RFC3: variants seen among roughly 807,000 people sequenced by gnomAD.
RFC3 encodes A1 38 kDa subunit.
In RFC3, 41 loss-of-function variants were observed where a neutral mutation model predicts 45.1. The ratio of observed to expected loss-of-function variants is 0.91; its 90% CI spans 0.71 to 1.18. RFC3 has a LOEUF of 1.18. RFC3 is among the 50% of genes most tolerant of loss of function. RFC3 has a pLI of 0.00. For missense variants in RFC3, 423 were observed against 428.1 expected (o/e 0.99, Z 0.10); for synonymous variants, 149 against 144.0 (o/e 1.03, Z -0.25).
intron 8 of RFC3, among the ~76,000 whole-genome samples, chr13:33,932,863 G>T (rs528863495): frequency 6.6e-6 from 1 of 152,122 alleles, no homozygotes; most frequent in Non-Finnish European, 1.5e-5. Context: ...TGACAACAAC[G>T]ACTGGCTTTT....
chr13:33,863,685 C>T (rs958610334), intron 8 of RFC3, among the ~76,000 whole-genome samples: 3 of 152,312 alleles, frequency 2.0e-5, no homozygotes, highest in Admixed American at 6.5e-5. Flanking sequence ...CTTGATACTG[C>T]GTGGATACAC....
chr13:33,941,235 T>C (rs1418157051), intron 8 of RFC3, among the ~76,000 whole-genome samples: 1 of 144,686 alleles, frequency 6.9e-6, no homozygotes, highest in Admixed American at 7.0e-5. Flanking sequence ...TCCTGAGAGA[T>C]TTTTTTTTTT....
At chr13:33,859,394 GACATA>G (rs2082326661) in intron 8 of RFC3, among the ~76,000 whole-genome samples, 1 of 151,510 alleles carries the variant, frequency 6.6e-6, no homozygotes, top group African/African-American at 2.4e-5. Flanking sequence ...ATGAAAACTA[GACATA>G]ACATTATGAT....
At chr13:33,898,830 C>T (rs916176226) in intron 8 of RFC3, among the ~76,000 whole-genome samples, 1 of 151,662 alleles carries the variant, frequency 6.6e-6, no homozygotes, top group Non-Finnish European at 1.5e-5. Context: ...ACTGAGACCT[C>T]AGAAATACAC....
chr13:33,938,645 G>A (rs4638440), intron 8 of RFC3, among the ~76,000 whole-genome samples: 138,884 of 152,232 alleles, frequency 0.91, 64,681 homozygotes, highest in East Asian at 1. Context: ...TTGCTAAATA[G>A]TATGCCATTG....
intron 8 of RFC3, among the ~76,000 whole-genome samples, chr13:33,940,023 C>T (rs936129138): frequency 6.6e-6 from 1 of 152,060 alleles, no homozygotes; most frequent in Non-Finnish European, 1.5e-5. Context: ...AAAAAACTTT[C>T]ATGTTACTGA....
At chr13:33,925,379 GTGTACTATATACATACA>G in intron 8 of RFC3, among the ~76,000 whole-genome samples, 1 of 119,368 alleles carries the variant, frequency 8.4e-6, no homozygotes, top group South Asian at 2.5e-4. Flanking sequence ...CATACATATA[GTGTACTATATACATACA>G]TAGTGTACTA....
chr13:33,969,046 C>G (rs2083100160), downstream of RFC3, among the ~76,000 whole-genome samples: 1 of 152,152 alleles, frequency 6.6e-6, no homozygotes, highest in African/African-American at 2.4e-5. Flanking sequence ...AAAAGTCTGC[C>G]TAGCAAGAAG....
chr13:33,833,309 T>G (rs985199391), intron 7 of RFC3, among the ~76,000 whole-genome samples: 1 of 152,136 alleles, frequency 6.6e-6, no homozygotes, highest in Non-Finnish European at 1.5e-5. Context: ...ATGTCAGCTC[T>G]TACACCGTGT....
chr13:33,935,342 T>C (rs1593703577), intron 8 of RFC3, among the ~76,000 whole-genome samples: 1 of 152,172 alleles, frequency 6.6e-6, no homozygotes, highest in African/African-American at 2.4e-5. Context: ...CTTTGAGAAA[T>C]TAGAGCTCTC....
chr13:33,915,449 A>T (rs2082727000), intron 8 of RFC3, among the ~76,000 whole-genome samples: 1 of 152,186 alleles, frequency 6.6e-6, no homozygotes. Context: ...CATGCTTTGC[A>T]TGCTATAATT....
At chr13:33,919,050 T>TG (rs1555241225) in intron 8 of RFC3, among the ~76,000 whole-genome samples, 1 of 151,838 alleles carries the variant, frequency 6.6e-6, no homozygotes, top group Non-Finnish European at 1.5e-5. Context: ...CTTTATTCTA[T>TG]AGAGTAATTG....
chr13:33,965,961 C>T (rs559980806), intron 8 of RFC3: 428 of 667,124 alleles, frequency 6.4e-4, no homozygotes, highest in Non-Finnish European at 9.9e-4. Context: ...TTAATTCATT[C>T]GTAGCTTGCT....
chr13:33,905,422 C>T (rs908245743), intron 8 of RFC3, among the ~76,000 whole-genome samples: 1 of 148,342 alleles, frequency 6.7e-6, no homozygotes, highest in African/African-American at 2.5e-5. Flanking sequence ...CTTGTGTTCT[C>T]TTTTTTTTTT....
intron 8 of RFC3, among the ~76,000 whole-genome samples, chr13:33,899,489 CAATA>C (rs1211488859): frequency 6.6e-6 from 1 of 151,488 alleles, no homozygotes; most frequent in Non-Finnish European, 1.5e-5. Flanking sequence ...CATCCTTTTA[CAATA>C]AAAAGCCTCA....
At chr13:33,857,687 C>G (rs1231914660) in intron 8 of RFC3, among the ~76,000 whole-genome samples, 2 of 152,124 alleles carry the variant, frequency 1.3e-5, no homozygotes, top group South Asian at 4.2e-4. Context: ...GTGTGGTAAC[C>G]TTTTCAGAGT....
At chr13:33,865,558 A>G (rs1332117401) in intron 8 of RFC3, among the ~76,000 whole-genome samples, 1 of 152,230 alleles carries the variant, frequency 6.6e-6, no homozygotes, top group Non-Finnish European at 1.5e-5. Flanking sequence ...CCAAGGAGGG[A>G]AAAGCATAAT....
intron 8 of RFC3, among the ~76,000 whole-genome samples, chr13:33,903,690 C>T (rs547244528): frequency 2.6e-4 from 39 of 152,088 alleles, no homozygotes; most frequent in Non-Finnish European, 2.9e-5. Flanking sequence ...CAGACCTTTC[C>T]TGCAGTTGTA....
chr13:33,961,225 C>T (rs991825820), intron 8 of RFC3, among the ~76,000 whole-genome samples: 1 of 152,118 alleles, frequency 6.6e-6, no homozygotes, highest in Non-Finnish European at 1.5e-5. Flanking sequence ...GCTGTCATTT[C>T]TTCCACGGCC....
Sources: gnomAD v4.1 joint callset for allele counts (sites outside exome capture counted in the v4.1 genomes callset) on GRCh38, gnomAD v4.1.1 for gene constraint, MANE v1.5 for transcripts, NCBI Gene and HGNC (gene_info 2026-07-23, HGNC 2026-07-21) for gene names.